Variants in GLI3 observed in about 807,000 individuals in gnomAD.
The protein encoded by GLI3 is transcription activator GLI3.
Under a neutral mutation model 100.8 loss-of-function variants are expected in GLI3, and 20 were observed. That is an observed-to-expected ratio of 0.20 (90% CI 0.14 to 0.29). The LOEUF (loss-of-function observed/expected upper bound fraction) is 0.29. GLI3 is among the 10% of genes least tolerant of loss of function. The probability of loss-of-function intolerance (pLI) is 1.00; values close to 1 mark genes in which losing one functional copy is unlikely to be tolerated. For synonymous variants in GLI3, 938 were observed against 860.5 expected, an observed-to-expected ratio of 1.09 and a Z score of -1.58; for missense variants, 2,040 against 2,128.5, an observed-to-expected ratio of 0.96 and a Z score of 0.82.
intron 3 of GLI3, among the ~76,000 whole-genome samples, chr7:42,097,564 C>A (rs942513625): frequency 6.6e-6 from 1 of 152,228 alleles, no homozygotes; most frequent in African/African-American, 2.4e-5. Context: ...CAGGGGCTCT[C>A]GTGTCCATGG....
At chr7:42,109,088 G>A (rs996347819) in intron 3 of GLI3, among the ~76,000 whole-genome samples, 5 of 152,188 alleles carry the variant, frequency 3.3e-5, no homozygotes, top group Non-Finnish European at 4.4e-5. Flanking sequence ...GCATTCTGAC[G>A]CCACCTACAT....
intron 10 of GLI3, among the ~76,000 whole-genome samples, chr7:42,003,103 T>C (rs1788353326): frequency 6.6e-6 from 1 of 152,198 alleles, no homozygotes; most frequent in Non-Finnish European, 1.5e-5. Flanking sequence ...CTGATAGCAG[T>C]AGATCCAAAA....
intron 2 of GLI3, among the ~76,000 whole-genome samples, chr7:42,182,229 G>A (rs368873728): frequency 1.3e-5 from 2 of 152,108 alleles, no homozygotes; most frequent in Middle Eastern, 3.4e-3. Context: ...AGTATGACTA[G>A]GGCTGAATAT....
intron 1 of GLI3, 147 bp from the exon 2 acceptor site, chr7:42,223,442 G>T: frequency 1.9e-6 from 1 of 522,598 alleles, no homozygotes; most frequent in Non-Finnish European, 3.4e-6. Context: ...AGGTTTTCTG[G>T]CAAAAAAAAA....
intron 1 of GLI3, among the ~76,000 whole-genome samples, chr7:42,262,586 A>T (rs1309630537): frequency 6.6e-6 from 1 of 152,158 alleles, no homozygotes; most frequent in East Asian, 1.9e-4. Flanking sequence ...CTAGTCACTA[A>T]GTGAATTCAG....
intron 6 of GLI3, 135 bp downstream of exon 6, chr7:42,045,249 C>T (rs1314821810): frequency 2.3e-6 from 2 of 881,884 alleles, no homozygotes; most frequent in East Asian, 4.8e-5. Flanking sequence ...AACCAGAGCA[C>T]CAGATAGTGG....
intron 3 of GLI3, among the ~76,000 whole-genome samples, chr7:42,092,163 A>G (rs1376641913): frequency 6.6e-6 from 1 of 152,214 alleles, no homozygotes; most frequent in African/African-American, 2.4e-5. Flanking sequence ...AGGATTATCC[A>G]CACCACCCGT....
intron 3 of GLI3, among the ~76,000 whole-genome samples, chr7:42,089,470 T>C (rs1785171442): frequency 6.6e-6 from 1 of 152,190 alleles, no homozygotes; most frequent in Non-Finnish European, 1.5e-5. Flanking sequence ...TTGACACCAA[T>C]ATATACTTGT....
In GLI3 at chr7:42,230,105, G is replaced by C. The variant is rs995128591; in HGVS notation, c.-42-6810C>G. Among the ~76,000 whole-genome samples the C allele has an allele frequency of 3.1e-4, 38 of 124,006 alleles. 2 individuals are homozygous for C. In the East Asian group the frequency reaches 3.9e-3, roughly 13 times the overall value. 81.4% of individuals were successfully genotyped at this position (124,006 alleles called of 152,430 possible). ...TTTTCTGCAAGGGTTGGGCGGGGGG[G>C]GGGGGGGTGGAAAGCCCAACTTCAT... On this transcript the variant is annotated intron_variant, in intron 1 of 14. Coordinates refer to ENST00000395925, the MANE Select transcript of GLI3 (RefSeq NM_000168.6).
rs35973430 is a variant in GLI3 at position 42,126,105 on chromosome 7, T to C, written c.367+22121A>G. ...CACATATACTGCAGGTGAGAAAAGT[T>C]TGAAACCTGAATGGTAAAACAGTTC... On this transcript the variant is annotated intron_variant, in intron 3 of 14. Transcript: ENST00000395925. 4.1e-3 allele frequency among the ~76,000 whole-genome samples: 629 copies of C among 152,298 alleles called. 2 individuals carry two copies. The highest frequency in any genetic ancestry group is 7.3e-3 in the Non-Finnish European group (498 of 68,014).
intron 6 of GLI3, among the ~76,000 whole-genome samples, chr7:42,040,669 G>C (rs1251210639): frequency 6.6e-6 from 1 of 152,092 alleles, no homozygotes; most frequent in Non-Finnish European, 1.5e-5. Context: ...CCAAAGGAAG[G>C]AAATGAATTA....
At chr7:42,229,742 C>A (rs1387494690) in intron 1 of GLI3, among the ~76,000 whole-genome samples, 1 of 152,088 alleles carries the variant, frequency 6.6e-6, no homozygotes, top group Non-Finnish European at 1.5e-5. Context: ...TAACCCATTT[C>A]TCAAAAATAA....
At chr7:42,244,436 A>T (rs1420244692) in intron 1 of GLI3, among the ~76,000 whole-genome samples, 1 of 152,220 alleles carries the variant, frequency 6.6e-6, no homozygotes, top group Non-Finnish European at 1.5e-5. Flanking sequence ...GCCAACCAGC[A>T]CTTTTGTATG....
In GLI3 at chr7:41,964,080, T is replaced by A. The variant is rs1051519802; in HGVS notation, c.*250A>T. The A allele has an allele frequency of 3.4e-5, 10 of 295,844 alleles. No homozygotes were observed. The highest frequency in any genetic ancestry group is 1.5e-4 in the African/African-American group (7 of 45,928). 18.3% of individuals were successfully genotyped at this position (295,844 alleles called of 1,614,324 possible). A position where few individuals can be genotyped will look rare whatever the true frequency, so the allele number is the denominator to read the frequency against. ...GGGCTTACAGTTTTTTTTTTTTTTT[T>A]TAAAAAGAGGGTGGTTTGAGTGTAA... On this transcript the variant is annotated 3_prime_UTR_variant, in exon 15 of 15. Coordinates refer to ENST00000395925, the MANE Select transcript of GLI3 (RefSeq NM_000168.6).
At position 42,189,971 on chromosome 7, in the gene GLI3, A is replaced by AACACAC. The variant is rs57107204; in HGVS notation, c.124+33153_124+33158dup. 2.2e-3 allele frequency among the ~76,000 whole-genome samples: 321 copies of AACACAC among 143,398 alleles called. 2 individuals carry two copies. The highest frequency in any genetic ancestry group is 5.6e-3 in the African/African-American group (216 of 38,864). The allele number at this position is 143,398 out of a possible 152,430, so 94.1% of individuals were successfully genotyped here. ...AACACATATATGTGTGCATGGGCTC[A>AACACAC]ACACACACACACACACACACACACA... On this transcript the variant is annotated intron_variant, in intron 2 of 14. Transcript: ENST00000395925.
intron 2 of GLI3, among the ~76,000 whole-genome samples, chr7:42,150,810 TC>T (rs1786840662): frequency 6.6e-6 from 1 of 152,198 alleles, no homozygotes; most frequent in Non-Finnish European, 1.5e-5. Flanking sequence ...AGCATTTGAA[TC>T]CAACCTCACA....
chr7:42,027,757 C>G (rs2237425), intron 7 of GLI3, among the ~76,000 whole-genome samples: 20,956 of 152,168 alleles, frequency 0.14, 1,858 homozygotes, highest in East Asian at 0.39. Flanking sequence ...TTTCACCAGG[C>G]TTTGAGAAAC....
intron 2 of GLI3, among the ~76,000 whole-genome samples, chr7:42,167,036 A>C (rs1422591323): frequency 2.6e-5 from 4 of 152,116 alleles, no homozygotes; most frequent in African/African-American, 9.7e-5. Context: ...CATGTTGGCC[A>C]GGCTGGTCTC....
intron 1 of GLI3, among the ~76,000 whole-genome samples, chr7:42,235,540 C>G (rs1319620282): frequency 6.6e-6 from 1 of 152,158 alleles, no homozygotes; most frequent in Non-Finnish European, 1.5e-5. Context: ...CGGCCTCATC[C>G]AAATTCTGTA....
Sources: allele counts gnomAD v4.1 joint callset (sites outside exome capture counted in the v4.1 genomes callset), GRCh38; gene constraint gnomAD v4.1.1; transcripts MANE v1.5; gene names NCBI Gene and HGNC (gene_info 2026-07-23, HGNC 2026-07-21).